PTPRQ: variants seen among roughly 807,000 people sequenced by gnomAD.
PTPRQ encodes the protein protein tyrosine phosphatase receptor type Q.
PTPRQ carries 199 observed loss-of-function variants against 246.0 expected under a neutral mutation model. The ratio of observed to expected loss-of-function variants is 0.81; its 90% CI spans 0.72 to 0.91. The LOEUF (loss-of-function observed/expected upper bound fraction) is 0.91, where lower values mean the gene tolerates loss of function less well. Among genes scored for constraint, PTPRQ ranks in the 40% least tolerant of loss-of-function variants. The probability of loss-of-function intolerance (pLI) is 0.00; values close to 1 mark genes in which losing one functional copy is unlikely to be tolerated. For synonymous variants in PTPRQ, 869 were observed against 853.2 expected (o/e 1.02, Z -0.32); for missense variants, 2,624 against 2,528.4 (o/e 1.04, Z -0.81).
chr12:80,506,513 C>T lies in PTPRQ; in HGVS notation c.2456-56C>T, dbSNP rs56978316. 3,288 of 1,334,560 alleles carry T rather than the reference C, an allele frequency of 2.5e-3. 87 individuals are homozygous for T. The African/African-American group carries it at 0.042, about 17-fold the overall frequency. The allele number at this position is 1,334,560 out of a possible 1,614,324, so 82.7% of individuals were successfully genotyped here. On this transcript the variant is annotated intron_variant, in intron 15 of 44. Coordinates refer to ENST00000644991, the MANE Select transcript of PTPRQ (RefSeq NM_001145026.2). ...CAGCCATTTCATAGTTTGCCTCTTG[C>T]ATATTATTAAATGATATTTTGTAAG...
At chr12:80,499,938 T>C (rs564159915) in intron 14 of PTPRQ, among the ~76,000 whole-genome samples, 3 of 152,132 alleles carry the variant, frequency 2.0e-5, no homozygotes, top group East Asian at 3.9e-4. Flanking sequence ...GATCTATACA[T>C]ATTCCCTTTC....
intron 32 of PTPRQ, among the ~76,000 whole-genome samples, chr12:80,621,615 T>C (rs1898994289): frequency 6.6e-6 from 1 of 152,042 alleles, no homozygotes; most frequent in African/African-American, 2.4e-5. Flanking sequence ...TCTTAATGTG[T>C]TTATATGTGA....
chr12:80,578,732 T>C (rs1194939460), intron 25 of PTPRQ, among the ~76,000 whole-genome samples: 2 of 152,158 alleles, frequency 1.3e-5, no homozygotes, highest in Non-Finnish European at 1.5e-5. Context: ...ATTTACTGTG[T>C]ATGGATGTTG....
chr12:80,476,475 G>A (rs375323693), intron 8 of PTPRQ, among the ~76,000 whole-genome samples: 8 of 152,090 alleles, frequency 5.3e-5, no homozygotes, highest in East Asian at 1.9e-4. Context: ...ATGGCCCAAC[G>A]ATTGTCACAA....
rs1328661701 is a variant in PTPRQ at position 80,588,132 on chromosome 12, C to T, written c.4289C>T (p.Pro1430Leu). ...CHVSTLPETV[P>L]SVPTNIAFSD... ...AATTTTTCCCTTTAATTTTTAGTTC[C>T]CAGTGTTCCCACAAATATTGCTTTT... is the stretch of plus-strand genomic sequence containing the variant. Residue 1430 changes from proline to leucine, a missense_variant, in exon 26 of 45, where the codon CCC (proline) becomes CTC (leucine). Coordinates refer to ENST00000644991, the MANE Select transcript of PTPRQ (RefSeq NM_001145026.2). The T allele has an allele frequency of 6.6e-7, 1 of 1,517,724 alleles. No individual in the cohort carries two copies. The highest frequency in any genetic ancestry group is 8.8e-7 in the Non-Finnish European group (1 of 1,130,624). The allele number at this position is 1,517,724 out of a possible 1,614,324, so 94.0% of individuals were successfully genotyped here.
intron 17 of PTPRQ, among the ~76,000 whole-genome samples, chr12:80,522,374 A>C (rs1895525499): frequency 2.6e-5 from 4 of 151,970 alleles, no homozygotes; most frequent in Admixed American, 6.6e-5. Flanking sequence ...TGCCTAATCG[A>C]CCTGGCCAGA....
Position 80,645,992 on chromosome 12 carries a change from T to C in PTPRQ, c.5916-2905T>C, listed in dbSNP as rs533029838. Among the ~76,000 whole-genome samples the C allele has an allele frequency of 7.8e-4, 119 of 152,228 alleles. 1 individual carries two copies. Among genetic ancestry groups the C allele is most frequent in the Non-Finnish European group, 1.4e-3 (92 of 67,996 alleles). On this transcript the variant is annotated intron_variant, in intron 35 of 44. Coordinates refer to ENST00000644991, the MANE Select transcript of PTPRQ (RefSeq NM_001145026.2). ...CGAATTGAGAGCTAGAAATCCAGAC[T>C]TGGATTTGAAAGCTAGATATTCGTG...
At chr12:80,641,816 A>G (rs1899865484) in intron 35 of PTPRQ, among the ~76,000 whole-genome samples, 1 of 152,008 alleles carries the variant, frequency 6.6e-6, no homozygotes, top group Non-Finnish European at 1.5e-5. Flanking sequence ...ATCATAAAAT[A>G]GAATCCTTTT....
At chr12:80,616,385 A>G in intron 30 of PTPRQ, 119 bp downstream of exon 30, 1 of 880,784 alleles carries the variant, frequency 1.1e-6, no homozygotes, top group Non-Finnish European at 1.5e-6. Flanking sequence ...TATATTAAGC[A>G]CATACTAAGT....
chr12:80,572,113 AC>A (rs1228977813), intron 25 of PTPRQ, among the ~76,000 whole-genome samples: 1 of 152,146 alleles, frequency 6.6e-6, no homozygotes, highest in Non-Finnish European at 1.5e-5. Flanking sequence ...ATGCATGTAT[AC>A]ATCTATACAT....
chr12:80,678,150 G>T (rs1731784), intron 43 of PTPRQ, among the ~76,000 whole-genome samples: 61,583 of 151,798 alleles, frequency 0.41, 13,707 homozygotes, highest in African/African-American at 0.61. Flanking sequence ...CAGATTTATT[G>T]GTTAAACATA....
intron 26 of PTPRQ, among the ~76,000 whole-genome samples, chr12:80,593,331 T>C (rs965348717): frequency 1.3e-5 from 2 of 152,176 alleles, no homozygotes; most frequent in Non-Finnish European, 2.9e-5. Flanking sequence ...CAATGGATTA[T>C]ATAATCAGAA....
In PTPRQ at chr12:80,605,702, C is replaced by T. The variant is rs145819245; in HGVS notation, c.4731+522C>T. On this transcript the variant is annotated intron_variant, in intron 27 of 44. Coordinates refer to ENST00000644991, the MANE Select transcript of PTPRQ (RefSeq NM_001145026.2). ...GGAATAGGGGTGTAAAAAAGTAAGCCTCATTCAAGAAAAATCAAGTCTTTT... is the reference window on the plus strand; with the variant it reads ...GGAATAGGGGTGTAAAAAAGTAAGCTTCATTCAAGAAAAATCAAGTCTTTT... 6.0e-5 allele frequency among the ~76,000 whole-genome samples: 9 copies of T among 150,774 alleles called. 2 individuals are homozygous for T. The highest frequency in any genetic ancestry group is 1.9e-4 in the African/African-American group (8 of 41,288).
chr12:80,575,570 G>A (rs1361188696), intron 25 of PTPRQ, among the ~76,000 whole-genome samples: 2 of 151,886 alleles, frequency 1.3e-5, no homozygotes. Flanking sequence ...CAACAAAATG[G>A]CACCCTCATC....
intron 3 of PTPRQ, among the ~76,000 whole-genome samples, chr12:80,451,125 GA>G (rs1160161520): frequency 6.6e-6 from 1 of 152,156 alleles, no homozygotes; most frequent in African/African-American, 2.4e-5. Flanking sequence ...ATGTGTCGAG[GA>G]ATTTATCCAT....
At chr12:80,481,013 A>G (rs902924058) in intron 8 of PTPRQ, among the ~76,000 whole-genome samples, 54 of 152,284 alleles carry the variant, frequency 3.5e-4, no homozygotes, top group Non-Finnish European at 6.0e-4. Flanking sequence ...AATCCTCCCT[A>G]ACTCATTTTA....
intron 37 of PTPRQ, among the ~76,000 whole-genome samples, chr12:80,652,213 T>C (rs1280411772): frequency 6.6e-6 from 1 of 152,098 alleles, no homozygotes. Flanking sequence ...TGACCCTTCA[T>C]CTATATCTGA....
chr12:80,518,321 G>T (rs1478619262), intron 17 of PTPRQ, among the ~76,000 whole-genome samples: 3 of 152,024 alleles, frequency 2.0e-5, no homozygotes, highest in Non-Finnish European at 4.4e-5. Context: ...GTCCATTTTT[G>T]ATTGGATTGT....
chr12:80,541,462 A>G, intron 20 of PTPRQ, 93 bp from the exon 21 acceptor site: 1 of 979,204 alleles, frequency 1.0e-6, no homozygotes, highest in Non-Finnish European at 1.4e-6. Context: ...ATGATGTAAT[A>G]GTTGCCATTT....
Sources: allele counts gnomAD v4.1 joint callset (sites outside exome capture counted in the v4.1 genomes callset), GRCh38; gene constraint gnomAD v4.1.1; transcripts MANE v1.5; gene names NCBI Gene and HGNC (gene_info 2026-07-23, HGNC 2026-07-21).